The following FANCC variants were observed in gnomAD, a reference collection of about 807,000 sequenced individuals.
FANCC encodes Fanconi anemia group C protein.
Under a neutral mutation model 71.3 loss-of-function variants are expected in FANCC, and 55 were observed. The ratio of observed to expected loss-of-function variants is 0.77; its 90% CI spans 0.62 to 0.97. The LOEUF is 0.97. Among genes scored for constraint, FANCC ranks in the 50% least tolerant of loss-of-function variants. The pLI is 0.00. For missense variants in FANCC, 678 were observed against 670.9 expected (o/e 1.01, Z -0.12); for synonymous variants, 275 against 244.9 (o/e 1.12, Z -1.15).
intron 6 of FANCC, among the ~76,000 whole-genome samples, chr9:95,164,797 C>G (rs1489030386): frequency 6.6e-6 from 1 of 152,102 alleles, no homozygotes; most frequent in Non-Finnish European, 1.5e-5. Flanking sequence ...TGCTTGCTCA[C>G]AAAATGAGTT....
intron 7 of FANCC, among the ~76,000 whole-genome samples, chr9:95,138,337 C>T (rs930063517): frequency 6.6e-6 from 1 of 152,160 alleles, no homozygotes; most frequent in Non-Finnish European, 1.5e-5. Context: ...TGTGCTTATG[C>T]CCCTTGTGAA....
In FANCC at chr9:95,278,794, A is replaced by ATTAAGCGAGCGTAAGTCTGAAAC. The variant is rs141077292; in HGVS notation, c.-78-29426_-78-29425insGTTTCAGACTTACGCTCGCTTAA. On this transcript the variant is annotated intron_variant, in intron 1 of 14. Coordinates refer to ENST00000289081, the MANE Select transcript of FANCC (RefSeq NM_000136.3). ...AGTAACATTTCTATATATCACGGTA[A>ATTAAGCGAGCGTAAGTCTGAAAC]TTATTCTACGGCAAACTCTAGAGTA... 3.3e-3 allele frequency among the ~76,000 whole-genome samples: 505 copies of ATTAAGCGAGCGTAAGTCTGAAAC among 151,848 alleles called. 9 individuals carry two copies. The East Asian group carries it at 0.044, about 13-fold the overall frequency.
intron 1 of FANCC, among the ~76,000 whole-genome samples, chr9:95,283,674 A>T (rs1833502452): frequency 6.6e-6 from 1 of 152,252 alleles, no homozygotes; most frequent in African/African-American, 2.4e-5. Flanking sequence ...GCAAGCAAAT[A>T]ACTCACTTTA....
Position 95,218,649 on chromosome 9 carries a change from T to A in FANCC, c.345+22000A>T, listed in dbSNP as rs141119477. Among the ~76,000 whole-genome samples the A allele has an allele frequency of 7.9e-5, 12 of 152,134 alleles. No individual in the cohort carries two copies. The East Asian group carries it at 2.3e-3, about 29-fold the overall frequency. On this transcript the variant is annotated intron_variant, in intron 4 of 14. Coordinates refer to ENST00000289081, the MANE Select transcript of FANCC (RefSeq NM_000136.3). ...GACCATCCCAGTAATGAAAAGTAGGTTTAACATTAAAAATCAGTGACTGCA... is the reference window on the plus strand; with the variant it reads ...GACCATCCCAGTAATGAAAAGTAGGATTAACATTAAAAATCAGTGACTGCA...
intron 1 of FANCC, among the ~76,000 whole-genome samples, chr9:95,257,947 C>A (rs142585148): frequency 0.015 from 2,344 of 152,212 alleles, 37 homozygotes; most frequent in Non-Finnish European, 0.022. Context: ...GGATAAATTC[C>A]TGGACACATA....
rs1554832851 is a variant in FANCC, at chr9:95,125,134, C to G, written c.948G>C (p.Gln316His). 1 of 1,614,204 alleles carries G rather than the reference C, an allele frequency of 6.2e-7. No homozygotes were observed. Among genetic ancestry groups the G allele is most frequent in the Non-Finnish European group, 8.5e-7 (1 of 1,180,046 alleles). Residue 316 changes from glutamine to histidine, a missense_variant, in exon 10 of 15, where the codon CAG becomes CAC. Gln to His is a conservative substitution (Grantham distance 24, BLOSUM62 0). Coordinates refer to ENST00000289081, the MANE Select transcript of FANCC (RefSeq NM_000136.3). ...CTTCTACAAAGCACTGCGTAAACAC[C>G]TGAATAGTGGCTATGATTTCCAGGG... ...DGALEIIATI[Q>H]VFTQCFVEAL... is the part of the protein sequence containing the mutation.
Position 95,311,709 on chromosome 9 carries a change from C to CTGTGTGTGTGTGTGTG in FANCC, c.-79+5801_-79+5816dup, listed in dbSNP as rs56187288. 6.1e-3 allele frequency among the ~76,000 whole-genome samples: 885 copies of CTGTGTGTGTGTGTGTG among 144,564 alleles called. 7 individuals are homozygous for CTGTGTGTGTGTGTGTG. Among genetic ancestry groups the CTGTGTGTGTGTGTGTG allele is most frequent in the Non-Finnish European group, 8.8e-3 (581 of 65,990 alleles). 94.8% of individuals were successfully genotyped at this position (144,564 alleles called of 152,430 possible). A position where few individuals can be genotyped will look rare whatever the true frequency, so the allele number is the denominator to read the frequency against. ...ATTGTTTAAATAGTCTCCTCTGAATCTGTGTGTGTGTGTGTGTGTGTGTGT... is the reference window on the plus strand; with the variant it reads ...ATTGTTTAAATAGTCTCCTCTGAATCTGTGTGTGTGTGTGTGTGTGTGTGTGTGTGTGTGTGTGTGT... On this transcript the variant is annotated intron_variant, in intron 1 of 14. Transcript: ENST00000289081.
chr9:95,144,569 G>A (rs946428905), intron 7 of FANCC, among the ~76,000 whole-genome samples: 10 of 152,166 alleles, frequency 6.6e-5, no homozygotes, highest in African/African-American at 2.4e-4. Flanking sequence ...AGAAGACCAG[G>A]AGTATTCACT....
intron 1 of FANCC, among the ~76,000 whole-genome samples, chr9:95,268,733 CT>C: frequency 6.6e-6 from 1 of 152,176 alleles, no homozygotes. Flanking sequence ...TTAGGTTCCC[CT>C]GGAAAGCAGA....
At chr9:95,307,450 C>T (rs1039300671) in intron 1 of FANCC, among the ~76,000 whole-genome samples, 1 of 152,132 alleles carries the variant, frequency 6.6e-6, no homozygotes, top group African/African-American at 2.4e-5. Context: ...ATAATAATAA[C>T]CTTTTCTACA....
chr9:95,121,138 T>C (rs577398309), intron 10 of FANCC, among the ~76,000 whole-genome samples: 309 of 152,368 alleles, frequency 2.0e-3, no homozygotes, highest in African/African-American at 7.2e-3. Context: ...ATCATTTTTA[T>C]CTGTGGGAGA....
rs200244647 is a variant in FANCC at position 95,139,689 on chromosome 9, A to AC, written c.687-4188_687-4187insG. 6.6e-5 allele frequency among the ~76,000 whole-genome samples: 10 copies of AC among 151,854 alleles called. No individual in the cohort carries two copies. In the East Asian group the frequency reaches 2.0e-3, roughly 30 times the overall value. ...GCTTTTGTTTTGACAATGAGCAGACAATGGCTTTATATGGACTTTATGTTT... is the reference window on the plus strand; with the variant it reads ...GCTTTTGTTTTGACAATGAGCAGACACATGGCTTTATATGGACTTTATGTTT... On this transcript the variant is annotated intron_variant, in intron 7 of 14. Coordinates refer to ENST00000289081, the MANE Select transcript of FANCC (RefSeq NM_000136.3).
At chr9:95,252,291 A>AG (rs1252447041) in intron 1 of FANCC, among the ~76,000 whole-genome samples, 21 of 149,688 alleles carry the variant, frequency 1.4e-4, no homozygotes, top group South Asian at 1.0e-3. Flanking sequence ...AAAAAAAAAA[A>AG]AAAGAAAAAA....
intron 6 of FANCC, among the ~76,000 whole-genome samples, chr9:95,160,684 T>C (rs1020003560): frequency 8.5e-5 from 13 of 152,198 alleles, no homozygotes; most frequent in Non-Finnish European, 1.3e-4. Context: ...TCCGTTTGTT[T>C]GTGTCTTCTT....
At chr9:95,211,411 G>T (rs2135875936) in intron 4 of FANCC, among the ~76,000 whole-genome samples, 1 of 152,274 alleles carries the variant, frequency 6.6e-6, no homozygotes, top group African/African-American at 2.4e-5. Context: ...CATATGTAGG[G>T]TACTACTTGA....
intron 7 of FANCC, among the ~76,000 whole-genome samples, chr9:95,145,824 G>A (rs1342411953): frequency 2.6e-5 from 4 of 151,952 alleles, no homozygotes; most frequent in Admixed American, 2.6e-4. Context: ...TCAAGAGGGC[G>A]GACATGCTTT....
chr9:95,224,448 G>A (rs1301314466), intron 4 of FANCC, among the ~76,000 whole-genome samples: 3 of 151,772 alleles, frequency 2.0e-5, no homozygotes, highest in African/African-American at 7.3e-5. Context: ...GATAATGCAT[G>A]CATAACACAT....
At chr9:95,174,352 G>T (rs437511) in intron 4 of FANCC, among the ~76,000 whole-genome samples, 28,891 of 151,966 alleles carry the variant, frequency 0.19, 2,884 homozygotes, top group East Asian at 0.3. Context: ...CTGCCCTCAT[G>T]ACTTAATCAC....
intron 8 of FANCC, among the ~76,000 whole-genome samples, chr9:95,131,695 C>T (rs1003450993): frequency 3.3e-5 from 5 of 151,998 alleles, no homozygotes; most frequent in Non-Finnish European, 7.4e-5. Context: ...AAGGAAGTGC[C>T]GAAAAGACTG....
Sources: allele counts gnomAD v4.1 joint callset (sites outside exome capture counted in the v4.1 genomes callset), GRCh38; gene constraint gnomAD v4.1.1; transcripts MANE v1.5; gene names NCBI Gene and HGNC (gene_info 2026-07-23, HGNC 2026-07-21).